The following PRDM6 variants were observed in gnomAD, a reference collection of about 807,000 sequenced individuals.
The protein encoded by PRDM6 is putative histone-lysine N-methyltransferase PRDM6.
In PRDM6, 25 loss-of-function variants were observed where a neutral mutation model predicts 60.8. That is an observed-to-expected ratio of 0.41 (90% CI 0.30 to 0.57). PRDM6 has a LOEUF of 0.57. Ranked by LOEUF, PRDM6 falls within the 20% of genes least tolerant of loss-of-function variation. The pLI is 0.27. For synonymous variants in PRDM6, 407 were observed against 357.4 expected (o/e 1.14, Z -1.57); for missense variants, 839 against 821.3 (o/e 1.02, Z -0.26).
At chr5:123,112,014 G>GATGT (rs1764326772) in intron 3 of PRDM6, among the ~76,000 whole-genome samples, 1 of 152,042 alleles carries the variant, frequency 6.6e-6, no homozygotes, top group Non-Finnish European at 1.5e-5. Flanking sequence ...ACTACTAACA[G>GATGT]ACAGCAAAAT....
intron 6 of PRDM6, among the ~76,000 whole-genome samples, chr5:123,174,414 G>A (rs1015565233): frequency 2.0e-5 from 3 of 152,180 alleles, no homozygotes; most frequent in African/African-American, 4.8e-5. Context: ...TATTTTGATA[G>A]GAAAATCTTG....
chr5:123,167,656 T>A (rs1018485980), intron 5 of PRDM6, among the ~76,000 whole-genome samples: 1 of 152,236 alleles, frequency 6.6e-6, no homozygotes, highest in African/African-American at 2.4e-5. Context: ...CCCAAAGTGC[T>A]GGGATTACAG....
At chr5:123,163,941 A>C (rs1329302531) in intron 5 of PRDM6, among the ~76,000 whole-genome samples, 1 of 152,116 alleles carries the variant, frequency 6.6e-6, no homozygotes, top group East Asian at 1.9e-4. Flanking sequence ...AGAAAATAAA[A>C]AGTGGGACCT....
chr5:123,115,702 T>G (rs1248530481), intron 3 of PRDM6, among the ~76,000 whole-genome samples: 1 of 152,182 alleles, frequency 6.6e-6, no homozygotes, highest in East Asian at 1.9e-4. Flanking sequence ...ATGATAAGAT[T>G]TCCCCATATT....
chr5:123,178,333 T>A (rs1766063802), intron 6 of PRDM6, among the ~76,000 whole-genome samples: 1 of 152,220 alleles, frequency 6.6e-6, no homozygotes, highest in South Asian at 2.1e-4. Flanking sequence ...TGTCAGTGAA[T>A]ATAGCATATA....
At position 123,099,488 on chromosome 5, in the gene PRDM6, C is replaced by T. The variant is rs1764046786; in HGVS notation, c.593-166C>T. On this transcript the variant is annotated intron_variant, in intron 2 of 7. Transcript: ENST00000407847. The surrounding 1 kb of genome is among the most constrained non-coding windows in gnomAD (Gnocchi z 4.0). ...AGGGAGCGGCGCGGGTTCTCTTCTCCTCCTCCTCTGAGTTGCTTCGGTGCC... is the reference window on the plus strand; with the variant it reads ...AGGGAGCGGCGCGGGTTCTCTTCTCTTCCTCCTCTGAGTTGCTTCGGTGCC... Among the ~76,000 whole-genome samples, 1 of 152,188 alleles carries T rather than the reference C, an allele frequency of 6.6e-6. No homozygotes were observed. Among genetic ancestry groups the T allele is most frequent in the Non-Finnish European group, 1.5e-5 (1 of 68,024 alleles).
intron 3 of PRDM6, among the ~76,000 whole-genome samples, chr5:123,105,176 C>T (rs1764176834): frequency 6.6e-6 from 1 of 152,164 alleles, no homozygotes; most frequent in African/African-American, 2.4e-5. Context: ...ATAGCATTTT[C>T]TCAATATGAA....
At position 123,180,037 on chromosome 5, in the gene PRDM6, T is replaced by C. The variant is rs907997198; in HGVS notation, c.1497-110T>C. The C allele has an allele frequency of 2.7e-6, 3 of 1,113,152 alleles. No individual in the cohort carries two copies. In the African/African-American group the frequency reaches 4.8e-5, roughly 18 times the overall value. The allele number at this position is 1,113,152 out of a possible 1,614,324, so 69.0% of individuals were successfully genotyped here. On this transcript the variant is annotated intron_variant, in intron 6 of 7. Coordinates refer to ENST00000407847, the MANE Select transcript of PRDM6 (RefSeq NM_001136239.4). ...GTGGCCAAAGCTCTATGCCCTGTCTTAGAAACTGAGAAAATGTCACCAATA... is the reference window on the plus strand; with the variant it reads ...GTGGCCAAAGCTCTATGCCCTGTCTCAGAAACTGAGAAAATGTCACCAATA...
At chr5:123,172,403 A>G (rs1765912664) in intron 6 of PRDM6, among the ~76,000 whole-genome samples, 1 of 152,164 alleles carries the variant, frequency 6.6e-6, no homozygotes, top group South Asian at 2.1e-4. Context: ...TGTCTTCACA[A>G]TCTTTATTTT....
At chr5:123,127,710 C>CTCTT (rs376274919) in intron 3 of PRDM6, among the ~76,000 whole-genome samples, 163 of 141,544 alleles carry the variant, frequency 1.2e-3, no homozygotes, top group African/African-American at 1.7e-3. Context: ...TTCTTTCTTT[C>CTCTT]TCTTTCTTTC....
chr5:123,145,606 G>C (rs996246903), intron 3 of PRDM6, among the ~76,000 whole-genome samples: 2 of 152,182 alleles, frequency 1.3e-5, no homozygotes, highest in African/African-American at 4.8e-5. Flanking sequence ...CTGAGTCTGA[G>C]GGGTGGCTTC....
In PRDM6 at chr5:123,159,495, T is replaced by C. The variant is rs1415211123; in HGVS notation, c.1029-19T>C. 6.5e-7 allele frequency: 1 copy of C among 1,549,044 alleles called. No homozygotes were observed. The highest frequency in any genetic ancestry group is 1.4e-5 in the African/African-American group (1 of 72,822). On this transcript the variant is annotated intron_variant, in intron 4 of 7. Coordinates refer to ENST00000407847, the MANE Select transcript of PRDM6 (RefSeq NM_001136239.4). ...AGTCCTATGTATTACTAAGCTGGGTTTTCTTTTGTTTTGAATAGGTCGAAT... is the reference window on the plus strand; with the variant it reads ...AGTCCTATGTATTACTAAGCTGGGTCTTCTTTTGTTTTGAATAGGTCGAAT...
At chr5:123,103,192 A>C (rs1368310261) in intron 3 of PRDM6, among the ~76,000 whole-genome samples, 2 of 151,992 alleles carry the variant, frequency 1.3e-5, no homozygotes, top group Admixed American at 6.5e-5. Flanking sequence ...AAATTCCAAG[A>C]GAGTTGTTTT....
At chr5:123,169,482 A>T (rs567504043) in intron 5 of PRDM6, among the ~76,000 whole-genome samples, 11 of 152,320 alleles carry the variant, frequency 7.2e-5, no homozygotes, top group Admixed American at 2.0e-4. Context: ...GCTGTTCATG[A>T]TAGGCCCTGT....
chr5:123,140,012 A>G (rs1005108002), intron 3 of PRDM6, among the ~76,000 whole-genome samples: 12 of 152,110 alleles, frequency 7.9e-5, no homozygotes, highest in African/African-American at 2.9e-4. Context: ...CTTGCACTTG[A>G]TTTTTCTGTG....
rs1409281703 is a variant in PRDM6 at position 123,192,706 on chromosome 5, A to C, written c.*5505A>C. The C allele has an allele frequency of 6.6e-6, 1 of 152,238 alleles. No homozygotes were observed. Among genetic ancestry groups the C allele is most frequent in the African/African-American group, 2.4e-5 (1 of 41,466 alleles). 9.4% of individuals were successfully genotyped at this position (152,238 alleles called of 1,614,324 possible). Reference sequence around the variant, plus strand: ...TGTGTTGGAGGGTGGCCAGAAGAGAATAAGGTTCGAACACTATCGACAGGT... The same window carrying C: ...TGTGTTGGAGGGTGGCCAGAAGAGACTAAGGTTCGAACACTATCGACAGGT... On this transcript the variant is annotated 3_prime_UTR_variant, in exon 8 of 8. Transcript: ENST00000407847.
At chr5:123,178,324 G>T (rs1204327186) in intron 6 of PRDM6, among the ~76,000 whole-genome samples, 1 of 152,098 alleles carries the variant, frequency 6.6e-6, no homozygotes, top group Non-Finnish European at 1.5e-5. Flanking sequence ...AAAATCAATT[G>T]TCAGTGAATA....
At position 123,099,585 on chromosome 5, in the gene PRDM6, C is replaced by T. The variant is rs1580476793; in HGVS notation, c.593-69C>T. The T allele has an allele frequency of 1.2e-5, 17 of 1,378,278 alleles. No homozygotes were observed. The highest frequency in any genetic ancestry group is 1.6e-5 in the Non-Finnish European group (17 of 1,052,724). 85.4% of individuals were successfully genotyped at this position (1,378,278 alleles called of 1,614,324 possible). ...GATGCTGTTGTCTCGGGAGTTTACT[C>T]AAAGATGGGCCGCTCGGGGCGGCCG... On this transcript the variant is annotated intron_variant, in intron 2 of 7. Coordinates refer to ENST00000407847, the MANE Select transcript of PRDM6 (RefSeq NM_001136239.4). The surrounding 1 kb of genome is among the most constrained non-coding windows in gnomAD (Gnocchi z 4.0).
At position 123,137,982 on chromosome 5, in the gene PRDM6, G is replaced by A. The variant is rs193102895; in HGVS notation, c.901-17902G>A. Among the ~76,000 whole-genome samples, 835 of 151,772 alleles carry A rather than the reference G, an allele frequency of 5.5e-3. 2 individuals are homozygous for A. The highest frequency in any genetic ancestry group is 9.2e-3 in the Non-Finnish European group (626 of 67,964). On this transcript the variant is annotated intron_variant, in intron 3 of 7. Coordinates refer to ENST00000407847, the MANE Select transcript of PRDM6 (RefSeq NM_001136239.4). Reference sequence around the variant, plus strand: ...GGTATAAAGATACAGCAAAAACCACGAATGCTGATGCTGAAGTATGGGAAA... The same window carrying A: ...GGTATAAAGATACAGCAAAAACCACAAATGCTGATGCTGAAGTATGGGAAA...
Sources: allele counts gnomAD v4.1 joint callset (sites outside exome capture counted in the v4.1 genomes callset), GRCh38; gene constraint gnomAD v4.1.1; non-coding constraint Gnocchi (gnomAD v3.1); transcripts MANE v1.5; gene names NCBI Gene and HGNC (gene_info 2026-07-23, HGNC 2026-07-21).